Variants in SNX9 observed in about 807,000 individuals in gnomAD.
SNX9 encodes sorting nexin 9.
In SNX9, 44 loss-of-function variants were observed where a neutral mutation model predicts 89.4. That is an observed-to-expected ratio of 0.49 (90% confidence interval 0.39 to 0.63). SNX9 has a LOEUF of 0.63. Among genes scored for constraint, SNX9 ranks in the 30% least tolerant of loss-of-function variants. SNX9 has a pLI of 0.00. For synonymous variants in SNX9, 236 were observed against 247.8 expected (o/e 0.95, Z 0.45); for missense variants, 578 against 736.1 (o/e 0.79, Z 2.49).
At chr6:157,868,101 G>T (rs533380488) in intron 2 of SNX9, among the ~76,000 whole-genome samples, 2 of 152,244 alleles carry the variant, frequency 1.3e-5, no homozygotes, top group African/African-American at 4.8e-5. Flanking sequence ...ATTTTTCTAA[G>T]CTCTTTTCCT....
At chr6:157,914,268 G>A (rs1201490759) in intron 9 of SNX9, among the ~76,000 whole-genome samples, 5 of 151,980 alleles carry the variant, frequency 3.3e-5, no homozygotes, top group Admixed American at 3.3e-4. Flanking sequence ...CTCTTCATGT[G>A]CTTATTTCCC....
intron 4 of SNX9, among the ~76,000 whole-genome samples, chr6:157,894,104 T>C (rs1782922134): frequency 7.1e-6 from 1 of 141,774 alleles, no homozygotes; most frequent in Admixed American, 7.0e-5. Flanking sequence ...CGCTTTTCTT[T>C]TCTTTTTTTT....
At position 157,884,605 on chromosome 6, in the gene SNX9, G is replaced by A. The variant is rs181146914; in HGVS notation, c.300+9429G>A. Among the ~76,000 whole-genome samples the A allele has an allele frequency of 2.5e-4, 38 of 151,578 alleles. 1 individual carries two copies. Among genetic ancestry groups the A allele is most frequent in the East Asian group, 1.7e-3 (9 of 5,162 alleles). On this transcript the variant is annotated intron_variant, in intron 4 of 17. Transcript: ENST00000392185. ...TCTTCACTCTCACTCCCACCCCCCC[G>A]TATGAATTCTTTTTAGTTGGTAATA...
chr6:157,936,528 A>G (rs905786467), intron 14 of SNX9, among the ~76,000 whole-genome samples: 5 of 152,194 alleles, frequency 3.3e-5, no homozygotes, highest in African/African-American at 1.2e-4. Flanking sequence ...AAAGACATCT[A>G]AATGAATGCA....
intron 4 of SNX9, among the ~76,000 whole-genome samples, chr6:157,885,850 T>A (rs771200615): frequency 6.6e-5 from 10 of 152,246 alleles, no homozygotes; most frequent in African/African-American, 2.2e-4. Context: ...GTTTGGTGTC[T>A]GCTGGAAGGA....
intron 13 of SNX9, among the ~76,000 whole-genome samples, chr6:157,933,037 T>C (rs1281598984): frequency 6.6e-6 from 1 of 152,114 alleles, no homozygotes; most frequent in Non-Finnish European, 1.5e-5. Context: ...GTGGTTTACA[T>C]TGGCAGCACT....
At chr6:157,860,855 G>A (rs1303652615) in intron 1 of SNX9, among the ~76,000 whole-genome samples, 11 of 152,116 alleles carry the variant, frequency 7.2e-5, no homozygotes, top group African/African-American at 1.9e-4. Context: ...TTGTACAGTC[G>A]CCTTTTGTTA....
chr6:157,876,164 A>G (rs1160132851), intron 4 of SNX9, among the ~76,000 whole-genome samples: 1 of 149,462 alleles, frequency 6.7e-6, no homozygotes, highest in Non-Finnish European at 1.5e-5. Context: ...ATATCTGTTT[A>G]TTAGCCAGGC....
chr6:157,933,805 T>C (rs1783865077), intron 13 of SNX9, among the ~76,000 whole-genome samples: 1 of 152,218 alleles, frequency 6.6e-6, no homozygotes, highest in Non-Finnish European at 1.5e-5. Flanking sequence ...ATCCATGGGT[T>C]CCCCACTGGG....
At position 157,823,255 on chromosome 6, in the gene SNX9, C is replaced by T; in HGVS notation, c.-180C>T. ...CAGGAGCGTGCGGCGCGGGAGTAGC[C>T]GAGCGCCCAGCGGCTGGGCCTGAGC... On this transcript the variant is annotated 5_prime_UTR_variant, in exon 1 of 18. Transcript: ENST00000392185. The surrounding 1 kb of genome is among the most constrained non-coding windows in gnomAD (Gnocchi z 4.6). 3.1e-6 allele frequency: 1 copy of T among 324,628 alleles called. No homozygotes were observed. Among genetic ancestry groups the T allele is most frequent in the Non-Finnish European group, 5.1e-6 (1 of 197,090 alleles). 20.1% of individuals were successfully genotyped at this position (324,628 alleles called of 1,614,324 possible). A position where few individuals can be genotyped will look rare whatever the true frequency, so the allele number is the denominator to read the frequency against.
chr6:157,909,930 A>G lies in SNX9; in HGVS notation c.854A>G (p.His285Arg). 4 of 1,614,164 alleles carry G rather than the reference A, an allele frequency of 2.5e-6. No homozygotes were observed. The highest frequency in any genetic ancestry group is 3.4e-6 in the Non-Finnish European group (4 of 1,180,014). The change falls in exon 9 of 18, where the codon CAC becomes CGC. Residue 285 changes from histidine to arginine, a missense_variant. His to Arg is a conservative substitution (Grantham distance 29, BLOSUM62 0). Transcript: ENST00000392185. ...TPTNTNRSVN[H>R]RYKHFDWLYE... ...TAGAACACTAATCGATCTGTAAACC[A>G]CAGGTATAAGCACTTTGACTGGTTA...
At chr6:157,853,943 C>T (rs1781961299) in intron 1 of SNX9, among the ~76,000 whole-genome samples, 1 of 152,166 alleles carries the variant, frequency 6.6e-6, no homozygotes, top group East Asian at 1.9e-4. Flanking sequence ...GGAATTGGTC[C>T]AAGTTTTCAA....
chr6:157,843,516 A>G (rs1447388617), intron 1 of SNX9, among the ~76,000 whole-genome samples: 2 of 152,238 alleles, frequency 1.3e-5, no homozygotes, highest in African/African-American at 4.8e-5. Flanking sequence ...CTTCATCCTC[A>G]TTGTCTTCAC....
At chr6:157,841,900 G>A (rs145310863) in intron 1 of SNX9, among the ~76,000 whole-genome samples, 269 of 152,224 alleles carry the variant, frequency 1.8e-3, no homozygotes, top group African/African-American at 6.1e-3. Context: ...ATGGACAAAA[G>A]TAGAACAGCA....
chr6:157,886,012 G>C (rs1240353282), intron 4 of SNX9, among the ~76,000 whole-genome samples: 1 of 152,172 alleles, frequency 6.6e-6, no homozygotes, highest in Non-Finnish European at 1.5e-5. Context: ...CCTCCTTCGA[G>C]GCCTGATGTA....
intron 1 of SNX9, among the ~76,000 whole-genome samples, chr6:157,826,833 T>TATATATTATATTTTATATAAAA (rs1562585931): frequency 9.0e-6 from 1 of 111,540 alleles, no homozygotes; most frequent in Non-Finnish European, 1.6e-5. Flanking sequence ...TTATATTTTA[T>TATATATTATATTTTATATAAAA]ATATATATTA....
At chr6:157,850,210 G>T (rs556162023) in intron 1 of SNX9, among the ~76,000 whole-genome samples, 7 of 152,268 alleles carry the variant, frequency 4.6e-5, no homozygotes, top group African/African-American at 1.7e-4. Flanking sequence ...ATTGGATTTA[G>T]CAGTAAGAAA....
At chr6:157,882,756 A>G (rs561388955) in intron 4 of SNX9, among the ~76,000 whole-genome samples, 1 of 152,358 alleles carries the variant, frequency 6.6e-6, no homozygotes, top group East Asian at 1.9e-4. Context: ...CAACCTCATG[A>G]TAAAACTTGA....
At chr6:157,839,160 GTAT>G (rs1781644017) in intron 1 of SNX9, among the ~76,000 whole-genome samples, 1 of 152,122 alleles carries the variant, frequency 6.6e-6, no homozygotes, top group Non-Finnish European at 1.5e-5. Context: ...TTGGTGTTAG[GTAT>G]CAATGAATTG....
Sources: gnomAD v4.1 joint callset for allele counts (sites outside exome capture counted in the v4.1 genomes callset) on GRCh38, gnomAD v4.1.1 for gene constraint, Gnocchi (gnomAD v3.1) non-coding constraint, MANE v1.5 for transcripts, NCBI Gene and HGNC (gene_info 2026-07-23, HGNC 2026-07-21) for gene names.